Variants in ELF2 observed in about 807,000 individuals in gnomAD.
ELF2 encodes ETS-related transcription factor Elf-2.
In ELF2, 11 loss-of-function variants were observed where a neutral mutation model predicts 54.8. The ratio of observed to expected loss-of-function variants is 0.20; its 90% CI spans 0.13 to 0.33. The LOEUF is 0.33. ELF2 is among the 10% of genes least tolerant of loss of function. The pLI, the probability that ELF2 is intolerant of heterozygous loss-of-function variation, is 1.00. For missense variants in ELF2, 513 were observed against 703.0 expected, an observed-to-expected ratio of 0.73 and a Z score of 3.06; for synonymous variants, 203 against 245.1, an observed-to-expected ratio of 0.83 and a Z score of 1.61.
intron 4 of ELF2, among the ~76,000 whole-genome samples, chr4:139,115,887 G>C (rs1735654123): frequency 6.6e-6 from 1 of 152,110 alleles, no homozygotes; most frequent in South Asian, 2.1e-4. Context: ...TGTTGTCCAG[G>C]CTGGAGTGCA....
chr4:139,153,242 G>A (rs899404624), intron 1 of ELF2, among the ~76,000 whole-genome samples: 4 of 151,910 alleles, frequency 2.6e-5, no homozygotes, highest in East Asian at 1.9e-4. Flanking sequence ...CAAGGCCAGC[G>A]TGGGCAACAT....
intron 4 of ELF2, chr4:139,101,452 T>C (rs1364537330): frequency 6.6e-6 from 1 of 152,266 alleles, no homozygotes; most frequent in Non-Finnish European, 1.5e-5. Flanking sequence ...TTTGGAGTTC[T>C]GTTTTCCCTA....
chr4:139,106,955 AG>A lies in ELF2; in HGVS notation c.238+18208del, dbSNP rs1734482151. ...GAGAAGGGGTTTCACCACGTTACTC[AG>A]GCTGGTTGCAAACTCCTGACCTCAG... On this transcript the variant is annotated intron_variant, in intron 4 of 9. Transcript: ENST00000686138. Among the ~76,000 whole-genome samples, 7 of 151,898 alleles carry A rather than the reference AG, an allele frequency of 4.6e-5. No individual in the cohort carries two copies. The South Asian group carries it at 1.4e-3, about 31-fold the overall frequency.
chr4:139,161,322 T>C (rs1302619883), intron 1 of ELF2, among the ~76,000 whole-genome samples: 1 of 152,228 alleles, frequency 6.6e-6, no homozygotes, highest in Non-Finnish European at 1.5e-5. Flanking sequence ...CATTTTTGCC[T>C]GGTTTTACTA....
intron 1 of ELF2, among the ~76,000 whole-genome samples, chr4:139,161,678 A>C (rs76523428): frequency 6.6e-6 from 1 of 150,426 alleles, no homozygotes; most frequent in Non-Finnish European, 1.5e-5. Flanking sequence ...AAAAAAAAAA[A>C]ACTCTGAGTA....
intron 4 of ELF2, among the ~76,000 whole-genome samples, chr4:139,097,453 CT>C (rs1204151157): frequency 6.6e-6 from 1 of 152,016 alleles, no homozygotes; most frequent in Non-Finnish European, 1.5e-5. Flanking sequence ...CCCGTCTCTA[CT>C]AAAAATACAA....
intron 6 of ELF2, among the ~76,000 whole-genome samples, chr4:139,071,080 G>A (rs1271210041): frequency 6.6e-6 from 1 of 152,038 alleles, no homozygotes; most frequent in Non-Finnish European, 1.5e-5. Context: ...TTGAAAATGT[G>A]GTAGTGGGAT....
At chr4:139,175,211 G>A (rs1365560163) in intron 1 of ELF2, among the ~76,000 whole-genome samples, 2 of 152,158 alleles carry the variant, frequency 1.3e-5, no homozygotes, top group Non-Finnish European at 2.9e-5. Flanking sequence ...ACAGGCCACA[G>A]GTACCAATCT....
intron 6 of ELF2, among the ~76,000 whole-genome samples, chr4:139,070,680 A>C (rs2148690381): frequency 6.6e-6 from 1 of 152,324 alleles, no homozygotes; most frequent in South Asian, 2.1e-4. Flanking sequence ...TGGGTAAATA[A>C]GGCTATTTAT....
At chr4:139,163,495 T>C (rs898321460) in intron 1 of ELF2, among the ~76,000 whole-genome samples, 27 of 152,134 alleles carry the variant, frequency 1.8e-4, no homozygotes, top group African/African-American at 6.3e-4. Flanking sequence ...GTAAACTGTG[T>C]CCTAAAGTAA....
chr4:139,104,006 C>A (rs1458676975), intron 4 of ELF2, among the ~76,000 whole-genome samples: 1 of 152,160 alleles, frequency 6.6e-6, no homozygotes, highest in Non-Finnish European at 1.5e-5. Flanking sequence ...TCATTCCCTT[C>A]AAGTAGTGTA....
intron 1 of ELF2, among the ~76,000 whole-genome samples, chr4:139,142,715 A>G (rs1226589217): frequency 6.6e-6 from 1 of 152,112 alleles, no homozygotes; most frequent in Non-Finnish European, 1.5e-5. Flanking sequence ...CCAGAGTGGT[A>G]GTTCTGGAGG....
chr4:139,152,828 T>A (rs899141319), intron 1 of ELF2, among the ~76,000 whole-genome samples: 5 of 148,610 alleles, frequency 3.4e-5, no homozygotes, highest in Non-Finnish European at 6.0e-5. Context: ...AACAGGAATT[T>A]TATATATATA....
chr4:139,083,656 G>A (rs1300511460), intron 4 of ELF2, among the ~76,000 whole-genome samples: 1 of 152,248 alleles, frequency 6.6e-6, no homozygotes, highest in Non-Finnish European at 1.5e-5. Flanking sequence ...GAACCGAGCG[G>A]GGGTGGCGAG....
At chr4:139,068,877 T>TA (rs1666038274) in intron 6 of ELF2, among the ~76,000 whole-genome samples, 1 of 151,878 alleles carries the variant, frequency 6.6e-6, no homozygotes, top group Non-Finnish European at 1.5e-5. Context: ...CATAAATACA[T>TA]ACACTTTTTT....
Position 139,164,267 on chromosome 4 carries a change from G to A in ELF2, c.-252+12700C>T, listed in dbSNP as rs559927868. ...GAAGGAAGAAAAGAAGGAAGGGAGG[G>A]AGGAAGGAAGGAAGATTTTTTCATA... On this transcript the variant is annotated intron_variant, in intron 1 of 9. Coordinates refer to ENST00000686138, the MANE Select transcript of ELF2 (RefSeq NM_001331036.3). Among the ~76,000 whole-genome samples, 9 of 150,666 alleles carry A rather than the reference G, an allele frequency of 6.0e-5. No homozygotes were observed. In the East Asian group the frequency reaches 1.8e-3, roughly 30 times the overall value.
At chr4:139,107,368 CAT>C (rs1196146440) in intron 4 of ELF2, among the ~76,000 whole-genome samples, 1 of 152,148 alleles carries the variant, frequency 6.6e-6, no homozygotes, top group East Asian at 1.9e-4. Context: ...CTCCTTGAAA[CAT>C]ATTTGTGTTA....
chr4:139,101,926 A>G (rs944787666), intron 4 of ELF2: 2 of 152,116 alleles, frequency 1.3e-5, no homozygotes, highest in African/African-American at 4.8e-5. Flanking sequence ...AAATGAAAAA[A>G]GCTTAATGTT....
chr4:139,086,879 G>T (rs1209615661), intron 4 of ELF2, among the ~76,000 whole-genome samples: 1 of 152,154 alleles, frequency 6.6e-6, no homozygotes, highest in Admixed American at 6.5e-5. Flanking sequence ...GGGGTTCAAA[G>T]AGGCAAATTT....
Sources: allele counts gnomAD v4.1 joint callset (sites outside exome capture counted in the v4.1 genomes callset), GRCh38; gene constraint gnomAD v4.1.1; transcripts MANE v1.5; gene names NCBI Gene and HGNC (gene_info 2026-07-23, HGNC 2026-07-21).